FBN1: variants seen among roughly 807,000 people sequenced by gnomAD.
FBN1 encodes the protein fibrillin 1.
Under a neutral mutation model 365.1 loss-of-function variants are expected in FBN1, and 29 were observed. The observed-to-expected ratio is 0.08, with a 90% CI of 0.06 to 0.11. The LOEUF is 0.11. FBN1 is among the 10% of genes least tolerant of loss of function. FBN1 has a pLI of 1.00. For synonymous variants in FBN1, 1,210 were observed against 1,270.5 expected (o/e 0.95, Z 1.01); for missense variants, 2,476 against 3,703.2 (o/e 0.67, Z 8.60).
intron 15 of FBN1, among the ~76,000 whole-genome samples, chr15:48,506,249 A>G (rs1423925771): frequency 1.3e-5 from 2 of 152,146 alleles, no homozygotes; most frequent in Admixed American, 1.3e-4. Context: ...AAAAAGAAAA[A>G]AGCAAATGAT....
chr15:48,569,418 TA>T (rs1225734492), intron 6 of FBN1, among the ~76,000 whole-genome samples: 2 of 152,102 alleles, frequency 1.3e-5, no homozygotes, highest in African/African-American at 4.8e-5. Context: ...GGCAGTTTCT[TA>T]AAAAGTTAAA....
chr15:48,420,164 T>C (rs2042929065), intron 63 of FBN1, among the ~76,000 whole-genome samples: 1 of 151,886 alleles, frequency 6.6e-6, no homozygotes. Context: ...AGATCTCCCT[T>C]AATTATCAAA....
chr15:48,456,849 T>TGTGC, intron 43 of FBN1, 87 bp from the exon 44 acceptor site: 1 of 1,037,854 alleles, frequency 9.6e-7, no homozygotes. Context: ...CGTGCGTGTG[T>TGTGC]GTGTGTGTGT....
chr15:48,428,247 G>T, intron 57 of FBN1, 99 bp downstream of exon 57: 1 of 1,471,906 alleles, frequency 6.8e-7, no homozygotes, highest in South Asian at 1.2e-5. Context: ...TCCTTCCTCA[G>T]ATTTTGACAT....
chr15:48,421,873 C>A (rs1313698494), intron 61 of FBN1, 79 bp downstream of exon 61: 1 of 1,304,548 alleles, frequency 7.7e-7, no homozygotes, highest in African/African-American at 1.5e-5. Flanking sequence ...TTTTCTTATC[C>A]CAACAGCAGA....
At chr15:48,564,548 C>T (rs577732092) in intron 6 of FBN1, among the ~76,000 whole-genome samples, 64 of 151,800 alleles carry the variant, frequency 4.2e-4, no homozygotes, top group African/African-American at 1.5e-3. Context: ...TTCTCAAATG[C>T]TTATTGTCTA....
Position 48,497,335 on chromosome 15 carries a change from G to C in FBN1, c.2224C>G (p.Leu742Val), listed in dbSNP as rs1267840202. 1 of 1,613,798 alleles carries C rather than the reference G, an allele frequency of 6.2e-7. No individual in the cohort carries two copies. Among genetic ancestry groups the C allele is most frequent in the East Asian group, 2.2e-5 (1 of 44,852 alleles). ...CATATACATTTATAGGTCCCACGAA[G>C]GTTTTCACAGATTCCATTTGGGCAA... is the stretch of plus-strand genomic sequence containing the variant. ...DICPNGICENLRGTYKCICNS... is the reference protein window; with the variant it reads ...DICPNGICENVRGTYKCICNS... Residue 742 changes from leucine to valine, a missense_variant, in exon 19 of 66, where the codon CTT (leucine) becomes GTT (valine). Leu to Val is a conservative substitution (Grantham distance 32). Transcript: ENST00000316623.
At chr15:48,604,451 G>T (rs1400000168) in intron 4 of FBN1, among the ~76,000 whole-genome samples, 1 of 152,172 alleles carries the variant, frequency 6.6e-6, no homozygotes, top group East Asian at 1.9e-4. Flanking sequence ...CATTTAGAGG[G>T]ATAACAGCAA....
intron 64 of FBN1, 106 bp from the exon 65 acceptor site, chr15:48,412,849 C>T: frequency 7.5e-7 from 1 of 1,325,618 alleles, no homozygotes; most frequent in Non-Finnish European, 1.1e-6. Flanking sequence ...GAGATACAGC[C>T]CTTGCTTGTC....
At chr15:48,411,442 A>T (rs576899046) in intron 65 of FBN1, 63 bp from the exon 66 acceptor site, 2 of 1,494,044 alleles carry the variant, frequency 1.3e-6, no homozygotes, top group Non-Finnish European at 1.9e-6. Context: ...TCTCATATTA[A>T]AGAAAAAATG....
At chr15:48,532,057 A>G (rs549829609) in intron 8 of FBN1, among the ~76,000 whole-genome samples, 43 of 152,334 alleles carry the variant, frequency 2.8e-4, no homozygotes, top group Non-Finnish European at 5.0e-4. Flanking sequence ...ATACACCACC[A>G]TAATAGGTTT....
chr15:48,489,732 A>G, intron 25 of FBN1, 119 bp downstream of exon 25: 2 of 818,242 alleles, frequency 2.4e-6, no homozygotes, highest in South Asian at 1.5e-5. Context: ...AGATAATTAT[A>G]TAATTCAGAA....
intron 2 of FBN1, among the ~76,000 whole-genome samples, chr15:48,615,478 T>A (rs1254959204): frequency 1.3e-5 from 2 of 152,106 alleles, no homozygotes; most frequent in African/African-American, 2.4e-5. Flanking sequence ...CATGGTAATA[T>A]AAACATTCTT....
intron 23 of FBN1, among the ~76,000 whole-genome samples, chr15:48,493,270 T>A (rs1477533632): frequency 6.6e-6 from 1 of 152,044 alleles, no homozygotes; most frequent in Non-Finnish European, 1.5e-5. Flanking sequence ...TGGAAAAGTA[T>A]TCACCACCAA....
chr15:48,591,438 A>G (rs2044475931), intron 6 of FBN1, among the ~76,000 whole-genome samples: 1 of 152,250 alleles, frequency 6.6e-6, no homozygotes, highest in Non-Finnish European at 1.5e-5. Context: ...ACTGCACTAA[A>G]TGACAATATT....
At chr15:48,578,281 C>A (rs1181672769) in intron 6 of FBN1, among the ~76,000 whole-genome samples, 1 of 152,128 alleles carries the variant, frequency 6.6e-6, no homozygotes, top group African/African-American at 2.4e-5. Flanking sequence ...CATGGCTGTT[C>A]CCAAGCCTGT....
At chr15:48,483,121 A>C (rs1038460214) in intron 31 of FBN1, among the ~76,000 whole-genome samples, 8 of 152,222 alleles carry the variant, frequency 5.3e-5, no homozygotes, top group Admixed American at 2.6e-4. Flanking sequence ...TCAATGAAGC[A>C]GGAAAATATG....
intron 6 of FBN1, among the ~76,000 whole-genome samples, chr15:48,581,705 A>G (rs1044659753): frequency 4.3e-4 from 65 of 152,334 alleles, no homozygotes; most frequent in African/African-American, 1.5e-3. Context: ...CTGACTGAAA[A>G]TCAAAAAGGT....
chr15:48,418,901 T>C (rs1238058966), intron 63 of FBN1, among the ~76,000 whole-genome samples: 2 of 152,198 alleles, frequency 1.3e-5, no homozygotes, highest in East Asian at 3.8e-4. Context: ...GGCTTTCTTT[T>C]ACTCATTTTC....
Sources: allele counts gnomAD v4.1 joint callset (sites outside exome capture counted in the v4.1 genomes callset), GRCh38; gene constraint gnomAD v4.1.1; transcripts MANE v1.5; gene names NCBI Gene and HGNC (gene_info 2026-07-23, HGNC 2026-07-21).